Variants in ANO10 observed in about 807,000 individuals in gnomAD.
ANO10 encodes the protein anoctamin 10, also known as anoctamin-10.
In ANO10, 77 loss-of-function variants were observed where a neutral mutation model predicts 74.7. The ratio of observed to expected loss-of-function variants is 1.03; its 90% CI spans 0.86 to 1.25. ANO10 has a LOEUF of 1.25. Ranked by LOEUF, ANO10 falls within the 50% of genes most tolerant of loss-of-function variation. The pLI, the probability that ANO10 is intolerant of heterozygous loss-of-function variation, is 0.00. For missense variants in ANO10, 721 were observed against 778.1 expected (o/e 0.93, Z 0.87); for synonymous variants, 279 against 284.9 (o/e 0.98, Z 0.21).
chr3:43,658,042 C>T (rs1273262747), intron 1 of ANO10, among the ~76,000 whole-genome samples: 1 of 152,124 alleles, frequency 6.6e-6, no homozygotes, highest in Non-Finnish European at 1.5e-5. Context: ...CTTTTCCCAG[C>T]TAGTCCTCCC....
At chr3:43,537,038 C>G (rs1249699793) in intron 11 of ANO10, among the ~76,000 whole-genome samples, 3 of 143,166 alleles carry the variant, frequency 2.1e-5, no homozygotes, top group Non-Finnish European at 4.5e-5. Flanking sequence ...TCACCTTACT[C>G]TGAGTCCTTG....
intron 12 of ANO10, among the ~76,000 whole-genome samples, chr3:43,429,579 G>T (rs1405457200): frequency 6.6e-6 from 1 of 152,036 alleles, no homozygotes; most frequent in Non-Finnish European, 1.5e-5. Context: ...CCAGAGACAA[G>T]GCTGTACATT....
chr3:43,511,121 C>T (rs189356758), intron 11 of ANO10, among the ~76,000 whole-genome samples: 203 of 152,146 alleles, frequency 1.3e-3, no homozygotes, highest in Non-Finnish European at 2.0e-3. Context: ...TAAAGACGAT[C>T]GTTTTAAGTC....
intron 11 of ANO10, among the ~76,000 whole-genome samples, chr3:43,486,464 G>C (rs1312619019): frequency 6.6e-6 from 1 of 150,624 alleles, no homozygotes; most frequent in Non-Finnish European, 1.5e-5. Flanking sequence ...CCATTTGTTT[G>C]TATCCTCTTT....
chr3:43,549,961 T>C, intron 10 of ANO10, 113 bp from the exon 11 acceptor site: 1 of 1,235,076 alleles, frequency 8.1e-7, no homozygotes, highest in East Asian at 2.5e-5. Flanking sequence ...GTTCTAAACA[T>C]TCCAAGTACA....
At chr3:43,543,118 C>T (rs183336380) in intron 11 of ANO10, among the ~76,000 whole-genome samples, 1 of 152,204 alleles carries the variant, frequency 6.6e-6, no homozygotes, top group East Asian at 1.9e-4. Context: ...CTATAAATCT[C>T]TCTCTCTTCT....
chr3:43,580,559 C>T, intron 4 of ANO10, 87 bp from the exon 5 acceptor site: 7 of 1,533,376 alleles, frequency 4.6e-6, no homozygotes, highest in South Asian at 2.3e-5. Context: ...GGACACTCCA[C>T]AGAGGAGTAC....
chr3:43,671,198 A>C (rs1164910606), intron 1 of ANO10, among the ~76,000 whole-genome samples: 1 of 152,200 alleles, frequency 6.6e-6, no homozygotes, highest in Non-Finnish European at 1.5e-5. Context: ...TTGGTCAACA[A>C]AAAAAGTTTA....
chr3:43,621,332 G>A (rs891065802), intron 1 of ANO10, among the ~76,000 whole-genome samples: 5 of 152,052 alleles, frequency 3.3e-5, no homozygotes, highest in South Asian at 2.1e-4. Flanking sequence ...AAACTGTACA[G>A]TATGTCCCAG....
At chr3:43,558,442 G>A (rs2079869311) in intron 9 of ANO10, among the ~76,000 whole-genome samples, 2 of 152,048 alleles carry the variant, frequency 1.3e-5, no homozygotes. Flanking sequence ...GCTTAGTCCT[G>A]GGCTGGTGGA....
intron 1 of ANO10, among the ~76,000 whole-genome samples, chr3:43,654,573 T>C (rs897750151): frequency 2.0e-5 from 3 of 152,236 alleles, no homozygotes; most frequent in African/African-American, 7.2e-5. Context: ...AATGAAATGC[T>C]ATTGATAGCC....
At chr3:43,546,124 A>G (rs1021425572) in intron 11 of ANO10, among the ~76,000 whole-genome samples, 2 of 152,226 alleles carry the variant, frequency 1.3e-5, no homozygotes, top group African/African-American at 4.8e-5. Flanking sequence ...ATGAAAGTCA[A>G]TAAGGTATAA....
rs1229496227 is a variant in ANO10 at position 43,437,760 on chromosome 3, TG to T, written c.1798-5034del. 2.6e-5 allele frequency among the ~76,000 whole-genome samples: 4 copies of T among 152,002 alleles called. No individual in the cohort carries two copies. The East Asian group carries it at 7.7e-4, about 29-fold the overall frequency. On this transcript the variant is annotated intron_variant, in intron 11 of 12. Coordinates refer to ENST00000292246, the MANE Select transcript of ANO10 (RefSeq NM_018075.5). ...TTGAGAGACTCTCTGATTCTCTAACTGGGCTGATTGGTGAAGGCCTTCCTTG... is the reference window on the plus strand; with the variant it reads ...TTGAGAGACTCTCTGATTCTCTAACTGGCTGATTGGTGAAGGCCTTCCTTG...
intron 11 of ANO10, among the ~76,000 whole-genome samples, chr3:43,536,100 T>G (rs555858306): frequency 6.6e-6 from 1 of 152,366 alleles, no homozygotes; most frequent in South Asian, 2.1e-4. Flanking sequence ...TTTCTTGGCT[T>G]AGGATACTTT....
In ANO10 at chr3:43,639,435, C is replaced by T. The variant is rs77616386; in HGVS notation, c.-11-33572G>A. 7.0e-3 allele frequency among the ~76,000 whole-genome samples: 1,065 copies of T among 152,266 alleles called. 88 individuals are homozygous for T. In the East Asian group the frequency reaches 0.18, roughly 25 times the overall value. ...AGACATAGATCCAAATGCCACACAA[C>T]TAAAATAAGTTGAAGAATCAATTTG... On this transcript the variant is annotated intron_variant, in intron 1 of 3. Coordinates refer to the ANO10 transcript ENST00000413397.
At chr3:43,596,765 G>A (rs1161405722) in intron 4 of ANO10, among the ~76,000 whole-genome samples, 6 of 152,124 alleles carry the variant, frequency 3.9e-5, no homozygotes, top group African/African-American at 1.4e-4. Context: ...TGACAAATGG[G>A]ATCTAATTAA....
intron 11 of ANO10, among the ~76,000 whole-genome samples, chr3:43,505,595 C>G (rs148220497): frequency 3.3e-5 from 5 of 152,282 alleles, no homozygotes; most frequent in African/African-American, 7.2e-5. Flanking sequence ...ATTTTCTTCA[C>G]GTGCTCTTTC....
At chr3:43,532,085 A>T (rs369730839) in intron 11 of ANO10, among the ~76,000 whole-genome samples, 11 of 152,332 alleles carry the variant, frequency 7.2e-5, no homozygotes, top group African/African-American at 2.6e-4. Flanking sequence ...GCCAACAAGG[A>T]GAAGAGCTGA....
chr3:43,367,600 CCCT>C (rs1236455219), intron 12 of ANO10, among the ~76,000 whole-genome samples: 1 of 152,034 alleles, frequency 6.6e-6, no homozygotes, highest in Non-Finnish European at 1.5e-5. Flanking sequence ...GATAGAGGTG[CCCT>C]CCTCGAGGGC....
Sources: gnomAD v4.1 joint callset for allele counts (sites outside exome capture counted in the v4.1 genomes callset) on GRCh38, gnomAD v4.1.1 for gene constraint, MANE v1.5 for transcripts, NCBI Gene and HGNC (gene_info 2026-07-23, HGNC 2026-07-21) for gene names.